Variants in TNK2 observed in about 807,000 individuals in gnomAD.
The protein encoded by TNK2 is activated CDC42 kinase 1.
Under a neutral mutation model 101.8 loss-of-function variants are expected in TNK2, and 83 were observed. The ratio of observed to expected loss-of-function variants is 0.82; its 90% confidence interval spans 0.68 to 0.98. TNK2 has a LOEUF of 0.98. Among genes scored for constraint, TNK2 ranks in the 50% least tolerant of loss-of-function variants. The pLI is 0.00. For synonymous variants in TNK2, 804 were observed against 633.0 expected, an observed-to-expected ratio of 1.27 and a Z score of -4.06; for missense variants, 1,665 against 1,483.2, an observed-to-expected ratio of 1.12 and a Z score of -2.01.
chr3:195,908,388 G>C (rs192120757), intron 1 of TNK2, 97 bp downstream of exon 1: 1 of 152,802 alleles, frequency 6.5e-6, no homozygotes, highest in Non-Finnish European at 1.5e-5. Context: ...AAGGCCAAAA[G>C]AACGAGGGCA....
intron 10 of TNK2, among the ~76,000 whole-genome samples, chr3:195,870,736 A>T (rs1372757932): frequency 6.6e-6 from 1 of 152,230 alleles, no homozygotes; most frequent in Non-Finnish European, 1.5e-5. Context: ...TAAAGCCTGG[A>T]GGAATGGGGC....
chr3:195,879,044 C>T lies in TNK2; in HGVS notation c.1014+5G>A, dbSNP rs1409319036. ...CCCTATGGGGGCCCGTCTCCCAGCC[C>T]TCACCTGACTGCCGTTGAGGCCGAT... On this transcript the variant is annotated splice_donor_5th_base_variant and intron_variant, in intron 7 of 15. Coordinates refer to ENST00000672887, the MANE Select transcript of TNK2 (RefSeq NM_001382273.1). 7 of 1,613,142 alleles carry T rather than the reference C, an allele frequency of 4.3e-6. No individual in the cohort carries two copies. Among genetic ancestry groups the T allele is most frequent in the Non-Finnish European group, 5.9e-6 (7 of 1,179,884 alleles).
At chr3:195,873,089 C>T (rs570998004) in intron 9 of TNK2, among the ~76,000 whole-genome samples, 5 of 152,304 alleles carry the variant, frequency 3.3e-5, no homozygotes, top group East Asian at 3.9e-4. Flanking sequence ...CACCTGCTTC[C>T]GGAGCTTTCC....
At position 195,888,332 on chromosome 3, in the gene TNK2, GAGTTCTC is replaced by G; in HGVS notation, c.163+87_163+93del. 1 of 1,382,206 alleles carries G rather than the reference GAGTTCTC, an allele frequency of 7.2e-7. No individual in the cohort carries two copies. The highest frequency in any genetic ancestry group is 2.3e-5 in the East Asian group (1 of 42,830). The allele number at this position is 1,382,206 out of a possible 1,614,324, so 85.6% of individuals were successfully genotyped here. A position where few individuals can be genotyped will look rare whatever the true frequency, so the allele number is the denominator to read the frequency against. Reference sequence around the variant, plus strand: ...CCTGCTCCCTCAGGGCTCTGGGACAGAGTTCTCAGCTGCCACCCGTGCACCGAGTGGT... The same window carrying G: ...CCTGCTCCCTCAGGGCTCTGGGACAGAGCTGCCACCCGTGCACCGAGTGGT... On this transcript the variant is annotated intron_variant, in intron 2 of 15. Coordinates refer to ENST00000672887, the MANE Select transcript of TNK2 (RefSeq NM_001382273.1). The surrounding 1 kb of genome is among the most constrained non-coding windows in gnomAD (Gnocchi z 5.3).
chr3:195,884,800 C>CA lies in TNK2; in HGVS notation c.456+11dup. ...ATGCCTCTGCTGCGCTGGCAGGACACAGAGAGCTCACCGTCTTCCCTGAGG... is the reference window on the plus strand; with the variant it reads ...ATGCCTCTGCTGCGCTGGCAGGACACAAGAGAGCTCACCGTCTTCCCTGAGG... On this transcript the variant is annotated intron_variant, in intron 4 of 15. Transcript: ENST00000672887. The CA allele has an allele frequency of 1.2e-6, 2 of 1,602,020 alleles. No homozygotes were observed. Among genetic ancestry groups the CA allele is most frequent in the South Asian group, 2.2e-5 (2 of 89,358 alleles).
chr3:195,905,239 G>A (rs763276736), intron 1 of TNK2, among the ~76,000 whole-genome samples: 8 of 152,096 alleles, frequency 5.3e-5, no homozygotes, highest in Middle Eastern at 3.4e-3. Flanking sequence ...TCACACTGTC[G>A]CCCGGGCTGG....
At chr3:195,869,383 A>ACTCC in intron 12 of TNK2, 114 bp downstream of exon 12, 1 of 1,052,610 alleles carries the variant, frequency 9.5e-7, no homozygotes, top group Non-Finnish European at 1.4e-6. Context: ...CTCACAGCAC[A>ACTCC]CACCCACCCA....
intron 10 of TNK2, among the ~76,000 whole-genome samples, chr3:195,872,008 T>C (rs796929171): frequency 0.022 from 921 of 41,994 alleles, 9 homozygotes; most frequent in Non-Finnish European, 0.027. Context: ...CTGGAGAACA[T>C]TCCCCTGGAG....
intron 6 of TNK2, among the ~76,000 whole-genome samples, chr3:195,881,589 C>G (rs560415057): frequency 1.8e-4 from 18 of 99,046 alleles, no homozygotes; most frequent in Non-Finnish European, 3.4e-4. Flanking sequence ...TGTAACACCC[C>G]CCCAGCGATG....
chr3:195,864,075 G>T lies in TNK2; in HGVS notation c.*106C>A. 6.7e-7 allele frequency: 1 copy of T among 1,500,398 alleles called. No individual in the cohort carries two copies. Among genetic ancestry groups the T allele is most frequent in the Admixed American group, 1.8e-5 (1 of 55,658 alleles). 92.9% of individuals were successfully genotyped at this position (1,500,398 alleles called of 1,614,324 possible). On this transcript the variant is annotated 3_prime_UTR_variant, in exon 16 of 16. Coordinates refer to ENST00000672887, the MANE Select transcript of TNK2 (RefSeq NM_001382273.1). ...CTTGCTCCATCCCCGGGAGCAGCAGGAGCAGCGGGTCCTCCAGGACTGGAT... is the reference window on the plus strand; with the variant it reads ...CTTGCTCCATCCCCGGGAGCAGCAGTAGCAGCGGGTCCTCCAGGACTGGAT...
intron 9 of TNK2, among the ~76,000 whole-genome samples, chr3:195,873,753 C>T (rs923696283): frequency 3.3e-5 from 5 of 151,764 alleles, no homozygotes; most frequent in Non-Finnish European, 7.4e-5. Flanking sequence ...CTGGCTGGAG[C>T]GGGGTGACTC....
chr3:195,869,280 G>A (rs374679096), intron 12 of TNK2: 64 of 612,562 alleles, frequency 1.0e-4, no homozygotes, highest in East Asian at 6.3e-4. Flanking sequence ...AGGCCGAGGC[G>A]GAAGCCAGGG....
chr3:195,890,402 G>C (rs1042070509), intron 1 of TNK2, among the ~76,000 whole-genome samples: 9 of 150,888 alleles, frequency 6.0e-5, no homozygotes, highest in African/African-American at 2.2e-4. Flanking sequence ...TGCAAACCTA[G>C]AATATGATCC....
chr3:195,872,574 T>A, intron 9 of TNK2, 104 bp from the exon 10 acceptor site: 1 of 1,217,504 alleles, frequency 8.2e-7, no homozygotes, highest in Non-Finnish European at 1.1e-6. Context: ...GGGATGGAGC[T>A]CAGGCCTCAG....
chr3:195,887,836 G>A (rs1301897565), intron 2 of TNK2, among the ~76,000 whole-genome samples: 5 of 63,808 alleles, frequency 7.8e-5, no homozygotes, highest in Non-Finnish European at 1.4e-4. Flanking sequence ...GCGCACACAC[G>A]TGTGTGTGTG....
chr3:195,883,448 G>A (rs1439216184), intron 4 of TNK2, 139 bp from the exon 5 acceptor site: 1 of 1,030,004 alleles, frequency 9.7e-7, no homozygotes, highest in Non-Finnish European at 1.4e-6. Flanking sequence ...TGTCACCAGT[G>A]CCTGGGCTTA....
At chr3:195,887,762 CACGTGTGTGCGTCTGCGCGCGTGTGTGT>C (rs1370880998) in intron 2 of TNK2, among the ~76,000 whole-genome samples, 1 of 143,868 alleles carries the variant, frequency 7.0e-6, no homozygotes, top group African/African-American at 2.8e-5. Context: ...CGCGTGTGCG[CACGTGTGTGCGTCTGCGCGCGTGTGTGT>C]ACATGTGTGT....
chr3:195,885,435 G>A lies in TNK2; in HGVS notation c.235-402C>T. On this transcript the variant is annotated intron_variant, in intron 3 of 15. Coordinates refer to ENST00000672887, the MANE Select transcript of TNK2 (RefSeq NM_001382273.1). The surrounding 1 kb of genome is among the most constrained non-coding windows in gnomAD (Gnocchi z 4.7). ...AACCCGCATCGATGGAGCCGCAGGG[G>A]CCCTCCACAGACACCTCCTTGTCCA... The A allele has an allele frequency of 7.5e-7, 1 of 1,326,308 alleles. No individual in the cohort carries two copies. Among genetic ancestry groups the A allele is most frequent in the Non-Finnish European group, 9.9e-7 (1 of 1,013,422 alleles). The allele number at this position is 1,326,308 out of a possible 1,614,324, so 82.2% of individuals were successfully genotyped here.
Position 195,885,651 on chromosome 3 carries a change from C to T in TNK2, c.235-618G>A. The T allele has an allele frequency of 8.2e-7, 1 of 1,213,842 alleles. No homozygotes were observed. 75.2% of individuals were successfully genotyped at this position (1,213,842 alleles called of 1,614,324 possible). On this transcript the variant is annotated intron_variant, in intron 3 of 15. Coordinates refer to ENST00000672887, the MANE Select transcript of TNK2 (RefSeq NM_001382273.1). The surrounding 1 kb of genome is among the most constrained non-coding windows in gnomAD (Gnocchi z 4.7). ...AAGGGGCCTGGGAAGACAGCTGGGTCTCTGGAGGGGCGCCTAGAGCTGAGG... is the reference window on the plus strand; with the variant it reads ...AAGGGGCCTGGGAAGACAGCTGGGTTTCTGGAGGGGCGCCTAGAGCTGAGG...
Sources: allele counts gnomAD v4.1 joint callset (sites outside exome capture counted in the v4.1 genomes callset), GRCh38; gene constraint gnomAD v4.1.1; non-coding constraint Gnocchi (gnomAD v3.1); transcripts MANE v1.5; gene names NCBI Gene and HGNC (gene_info 2026-07-23, HGNC 2026-07-21).